The following SLX9 variants were observed in gnomAD, a reference collection of about 807,000 sequenced individuals.
SLX9 encodes the protein ribosome biogenesis protein SLX9 homolog.
In SLX9, 19 loss-of-function variants were observed where a neutral mutation model predicts 20.8. The ratio of observed to expected loss-of-function variants is 0.91; its 90% CI spans 0.64 to 1.34. The LOEUF (loss-of-function observed/expected upper bound fraction) is 1.34, where lower values mean the gene tolerates loss of function less well. Among genes scored for constraint, SLX9 ranks in the 40% most tolerant of loss-of-function variants. The pLI is 0.00. For synonymous variants in SLX9, 113 were observed against 137.1 expected, an observed-to-expected ratio of 0.82 and a Z score of 1.23; for missense variants, 299 against 322.2, an observed-to-expected ratio of 0.93 and a Z score of 0.55.
chr21:44,973,102 C>A (rs530619541), intron 4 of SLX9, 95 bp from the exon 5 acceptor site: 5 of 1,395,206 alleles, frequency 3.6e-6, no homozygotes, highest in Non-Finnish European at 5.1e-6. Flanking sequence ...GCCACCACGA[C>A]GTCTGCTCTA....
chr21:44,972,916 C>G, intron 4 of SLX9: 1 of 48,248 alleles, frequency 2.1e-5, no homozygotes, highest in Non-Finnish European at 3.6e-5. Context: ...GCAGGAGTCA[C>G]CAGATTCCAC....
intron 4 of SLX9, chr21:44,969,086 C>T (rs1568944799): frequency 2.2e-6 from 1 of 446,764 alleles, no homozygotes; most frequent in South Asian, 1.6e-5. Flanking sequence ...TTTTCTTTCT[C>T]CTACTAACTT....
chr21:44,954,758 C>T (rs983280368), intron 2 of SLX9, among the ~76,000 whole-genome samples: 6 of 152,194 alleles, frequency 3.9e-5, no homozygotes, highest in Admixed American at 3.9e-4. Flanking sequence ...CCACAAACCT[C>T]GGCGGGGGGT....
intron 4 of SLX9, among the ~76,000 whole-genome samples, chr21:44,969,951 C>G (rs552389977): frequency 1.2e-4 from 18 of 151,678 alleles, no homozygotes; most frequent in African/African-American, 4.1e-4. Context: ...AGCTGAAGAT[C>G]TGTCTGATGT....
intron 3 of SLX9, among the ~76,000 whole-genome samples, chr21:44,961,389 GGC>G (rs2084947661): frequency 2.6e-5 from 4 of 152,156 alleles, no homozygotes; most frequent in South Asian, 4.1e-4. Context: ...GACTAGCCTG[GGC>G]AATATAGCGA....
intron 3 of SLX9, among the ~76,000 whole-genome samples, chr21:44,960,616 A>G (rs2084935308): frequency 6.6e-6 from 1 of 152,252 alleles, no homozygotes; most frequent in Non-Finnish European, 1.5e-5. Flanking sequence ...AAATCCTTCC[A>G]GGCCTTGCCC....
intron 4 of SLX9, among the ~76,000 whole-genome samples, chr21:44,972,834 G>C (rs2085177151): frequency 6.6e-6 from 1 of 152,020 alleles, no homozygotes; most frequent in South Asian, 2.1e-4. Flanking sequence ...AGGTGGGGTG[G>C]AGACGCTGTA....
At chr21:44,955,838 T>G (rs969455741) in intron 2 of SLX9, among the ~76,000 whole-genome samples, 3 of 152,240 alleles carry the variant, frequency 2.0e-5, no homozygotes, top group Non-Finnish European at 4.4e-5. Flanking sequence ...TAAAGACATT[T>G]GTAGATCAAA....
intron 2 of SLX9, among the ~76,000 whole-genome samples, chr21:44,956,580 G>A (rs979971104): frequency 6.6e-6 from 1 of 152,206 alleles, no homozygotes; most frequent in African/African-American, 2.4e-5. Flanking sequence ...ACCCGAGCCC[G>A]AGATGAAGCA....
chr21:44,943,779 T>C lies in SLX9; in HGVS notation c.225T>C (p.Thr75=). The C allele has an allele frequency of 1.2e-6, 2 of 1,614,100 alleles. No individual in the cohort carries two copies. The highest frequency in any genetic ancestry group is 8.5e-7 in the Non-Finnish European group (1 of 1,180,020). Residue 75 remains threonine, a synonymous_variant, in exon 2 of 6, where the codon ACT becomes ACC. Coordinates refer to ENST00000291634, the MANE Select transcript of SLX9 (RefSeq NM_058190.4). ...QKLELDVRSV[T]SVRRGEAGSS... ...TGGAGCTGGACGTGAGGAGTGTCAC[T>C]TCCGTCAGGAGAGGTGAGGCAGGCT...
intron 5 of SLX9, among the ~76,000 whole-genome samples, chr21:44,976,349 C>A (rs1053149105): frequency 6.6e-6 from 1 of 152,190 alleles, no homozygotes; most frequent in Non-Finnish European, 1.5e-5. Flanking sequence ...AGCCGTCTCT[C>A]ATGTAAGGAG....
At position 44,949,032 on chromosome 21, in the gene SLX9, A is replaced by G. The variant is rs368078883; in HGVS notation, c.283+5195A>G. ...AAGGTGGCAGGGCCTGAGTGTGTGC[A>G]CACCCGGCCGGGCTCTGACAGCACC... On this transcript the variant is annotated intron_variant, in intron 2 of 5. Coordinates refer to ENST00000291634, the MANE Select transcript of SLX9 (RefSeq NM_058190.4). Among the ~76,000 whole-genome samples the G allele has an allele frequency of 1.2e-4, 18 of 152,310 alleles. No homozygotes were observed. In the East Asian group the frequency reaches 2.5e-3, roughly 21 times the overall value.
chr21:44,951,528 T>G (rs550110689), intron 2 of SLX9, among the ~76,000 whole-genome samples: 1 of 152,264 alleles, frequency 6.6e-6, no homozygotes, highest in East Asian at 1.9e-4. Context: ...GGCTGAGACT[T>G]GAAGGTTAGG....
At chr21:44,962,005 C>G (rs770554454) in intron 3 of SLX9, among the ~76,000 whole-genome samples, 2 of 152,222 alleles carry the variant, frequency 1.3e-5, no homozygotes, top group African/African-American at 2.4e-5. Context: ...GTACCCACCA[C>G]ACAGATTTTA....
At chr21:44,940,751 G>A (rs1228161245) in intron 1 of SLX9, among the ~76,000 whole-genome samples, 1 of 150,642 alleles carries the variant, frequency 6.6e-6, no homozygotes, top group African/African-American at 2.4e-5. Context: ...TATTTTGCGT[G>A]TTCACTGAGC....
At chr21:44,952,906 C>G (rs943183888) in intron 2 of SLX9, among the ~76,000 whole-genome samples, 6 of 152,204 alleles carry the variant, frequency 3.9e-5, no homozygotes, top group Admixed American at 2.0e-4. Flanking sequence ...TCATCGACAG[C>G]TGGGGTGGGA....
At chr21:44,959,041 G>C (rs1260561905) in intron 2 of SLX9, among the ~76,000 whole-genome samples, 4 of 152,210 alleles carry the variant, frequency 2.6e-5, no homozygotes, top group African/African-American at 9.7e-5. Flanking sequence ...GGAGAGGTTG[G>C]GATGCTATGG....
intron 5 of SLX9, 115 bp from the exon 6 acceptor site, chr21:44,976,565 C>A: frequency 5.5e-6 from 8 of 1,459,612 alleles, no homozygotes; most frequent in Non-Finnish European, 7.3e-6. Flanking sequence ...AGTACTCAGT[C>A]CCGTGGTGGC....
chr21:44,941,901 G>A (rs2084557589), intron 1 of SLX9, among the ~76,000 whole-genome samples: 1 of 152,158 alleles, frequency 6.6e-6, no homozygotes, highest in Non-Finnish European at 1.5e-5. Flanking sequence ...CAGACAAGGC[G>A]AGTCCCTTCT....
Sources: gnomAD v4.1 joint callset for allele counts (sites outside exome capture counted in the v4.1 genomes callset) on GRCh38, gnomAD v4.1.1 for gene constraint, MANE v1.5 for transcripts, NCBI Gene and HGNC (gene_info 2026-07-23, HGNC 2026-07-21) for gene names.